ETV6: variants seen among roughly 807,000 people sequenced by gnomAD.
The protein encoded by ETV6 is ETS variant transcription factor 6, also known as transcription factor ETV6.
In ETV6, 16 loss-of-function variants were observed where a neutral mutation model predicts 51.1. The observed-to-expected ratio is 0.31, with a 90% CI of 0.21 to 0.48. The LOEUF is 0.48. Ranked by LOEUF, ETV6 falls within the 20% of genes least tolerant of loss-of-function variation. ETV6 has a pLI of 0.99. For synonymous variants in ETV6, 240 were observed against 224.1 expected, an observed-to-expected ratio of 1.07 and a Z score of -0.64; for missense variants, 458 against 594.8, an observed-to-expected ratio of 0.77 and a Z score of 2.39.
chr12:11,654,732 T>G (rs1863968417), intron 1 of ETV6, among the ~76,000 whole-genome samples: 2 of 152,166 alleles, frequency 1.3e-5, no homozygotes, highest in Admixed American at 1.3e-4. Flanking sequence ...TATATATATA[T>G]TTTTTACAGT....
intron 4 of ETV6, among the ~76,000 whole-genome samples, chr12:11,864,611 A>G (rs1185382772): frequency 6.6e-6 from 1 of 152,190 alleles, no homozygotes; most frequent in African/African-American, 2.4e-5. Flanking sequence ...ATTATCTATA[A>G]AAGGAAAGTT....
chr12:11,788,756 G>GTTTTTTTTT (rs1336998892), intron 2 of ETV6, among the ~76,000 whole-genome samples: 1 of 102,452 alleles, frequency 9.8e-6, no homozygotes, highest in Non-Finnish European at 2.2e-5. Context: ...GCTTGTATTG[G>GTTTTTTTTT]TTTTTTTTTT....
intron 5 of ETV6, 58 bp downstream of exon 5, chr12:11,870,027 C>G (rs1946857887): frequency 1.3e-6 from 2 of 1,534,232 alleles, no homozygotes; most frequent in East Asian, 4.5e-5. Context: ...AAGTCCCACT[C>G]TCCCCTGTGA....
At chr12:11,712,237 C>T (rs1020985170) in intron 1 of ETV6, among the ~76,000 whole-genome samples, 9 of 152,176 alleles carry the variant, frequency 5.9e-5, no homozygotes, top group East Asian at 1.9e-4. Context: ...TTGCTGTAGT[C>T]CCTATTTCAT....
chr12:11,754,584 C>G (rs1053233900), intron 2 of ETV6, among the ~76,000 whole-genome samples: 1 of 152,220 alleles, frequency 6.6e-6, no homozygotes, highest in African/African-American at 2.4e-5. Context: ...ACTCAGTTCT[C>G]CTAGCATACA....
intron 2 of ETV6, among the ~76,000 whole-genome samples, chr12:11,799,491 G>A (rs1026063190): frequency 4.6e-5 from 7 of 152,142 alleles, no homozygotes; most frequent in Non-Finnish European, 7.3e-5. Flanking sequence ...CCCAACTTAA[G>A]TATGAAAGAG....
intron 3 of ETV6, among the ~76,000 whole-genome samples, chr12:11,851,398 G>C (rs1591719750): frequency 6.6e-6 from 1 of 152,076 alleles, no homozygotes; most frequent in South Asian, 2.1e-4. Context: ...AAGAAACAAA[G>C]TGTTGATTAG....
chr12:11,845,663 A>G (rs1946450022), intron 3 of ETV6, among the ~76,000 whole-genome samples: 1 of 152,158 alleles, frequency 6.6e-6, no homozygotes, highest in Non-Finnish European at 1.5e-5. Context: ...GGTTAATTCA[A>G]TTGGCCTGCA....
intron 1 of ETV6, among the ~76,000 whole-genome samples, chr12:11,720,032 C>A (rs935054111): frequency 6.6e-6 from 1 of 152,298 alleles, no homozygotes; most frequent in South Asian, 2.1e-4. Context: ...TGGTCTCCCA[C>A]GAATCAGAAG....
intron 1 of ETV6, among the ~76,000 whole-genome samples, chr12:11,698,092 G>A (rs188276145): frequency 6.6e-6 from 1 of 152,298 alleles, no homozygotes; most frequent in African/African-American, 2.4e-5. Context: ...TTACTATGGA[G>A]AATATGTTTT....
chr12:11,789,944 T>C lies in ETV6; in HGVS notation c.163+37365T>C, dbSNP rs139761075. ...GATGCTCTTTCAATCTGGATATTCA[T>C]TTCCTTTCATTCTGGGAACTGTCCT... On this transcript the variant is annotated intron_variant, in intron 2 of 7. Coordinates refer to ENST00000396373, the MANE Select transcript of ETV6 (RefSeq NM_001987.5). Among the ~76,000 whole-genome samples the C allele has an allele frequency of 1.8e-3, 277 of 152,316 alleles. 2 individuals are homozygous for C. The highest frequency in any genetic ancestry group is 6.4e-3 in the African/African-American group (267 of 41,562).
intron 3 of ETV6, among the ~76,000 whole-genome samples, chr12:11,849,206 G>C (rs1398791310): frequency 2.6e-5 from 4 of 152,066 alleles, no homozygotes. Flanking sequence ...GACCTCCTGG[G>C]CTCAAGCAAT....
At chr12:11,751,827 A>G (rs766536865) in intron 1 of ETV6, 23 of 509,106 alleles carry the variant, frequency 4.5e-5, no homozygotes, top group Non-Finnish European at 7.1e-5. Flanking sequence ...ATTGTTGCAG[A>G]TAATTCCTAG....
chr12:11,792,448 G>A (rs1389704629), intron 2 of ETV6, among the ~76,000 whole-genome samples: 2 of 152,174 alleles, frequency 1.3e-5, no homozygotes, highest in Non-Finnish European at 2.9e-5. Context: ...CAGCACTTTG[G>A]GAGGCCGAGG....
intron 2 of ETV6, among the ~76,000 whole-genome samples, chr12:11,801,258 C>G (rs548831041): frequency 1.3e-5 from 2 of 152,316 alleles, no homozygotes; most frequent in African/African-American, 2.4e-5. Flanking sequence ...AAGAACGAGG[C>G]AAACTTTTTT....
Position 11,893,342 on chromosome 12 carries a change from G to C in ETV6, c.*2296G>C, listed in dbSNP as rs990313754. ...CTCTTCACCCAAGTGCAAGAACTCAGTCTCTTACTGTTCAAAGAATCTTAA... is the reference window on the plus strand; with the variant it reads ...CTCTTCACCCAAGTGCAAGAACTCACTCTCTTACTGTTCAAAGAATCTTAA... On this transcript the variant is annotated 3_prime_UTR_variant, in exon 8 of 8. Coordinates refer to ENST00000396373, the MANE Select transcript of ETV6 (RefSeq NM_001987.5). 2 of 209,522 alleles carry C rather than the reference G, an allele frequency of 9.5e-6. No individual in the cohort carries two copies. The highest frequency in any genetic ancestry group is 1.9e-5 in the Non-Finnish European group (2 of 108,092). 13.0% of individuals were successfully genotyped at this position (209,522 alleles called of 1,614,324 possible).
chr12:11,772,267 A>G (rs1945252161), intron 2 of ETV6, among the ~76,000 whole-genome samples: 1 of 152,188 alleles, frequency 6.6e-6, no homozygotes. Flanking sequence ...TTGCAGAAAG[A>G]CTCAGAGATC....
chr12:11,817,713 G>A (rs1339295195), intron 2 of ETV6, among the ~76,000 whole-genome samples: 2 of 152,182 alleles, frequency 1.3e-5, no homozygotes, highest in East Asian at 3.8e-4. Flanking sequence ...CCCCATGCCA[G>A]CTCAAGAGCA....
rs530462629 is a variant in ETV6 at position 11,662,636 on chromosome 12, G to A, written c.33+12476G>A. Among the ~76,000 whole-genome samples the A allele has an allele frequency of 1.7e-3, 262 of 152,342 alleles. 1 individual carries two copies. The highest frequency in any genetic ancestry group is 6.0e-3 in the African/African-American group (248 of 41,588). The stretch of plus-strand genomic sequence containing the variant: ...CTTCTGCCTCTTGGTTGGCTTATAT[G>A]TAGGTTATAGGTGAATGTGAGTTCA... On this transcript the variant is annotated intron_variant, in intron 1 of 7. Coordinates refer to ENST00000396373, the MANE Select transcript of ETV6 (RefSeq NM_001987.5).
Sources: allele counts gnomAD v4.1 joint callset (sites outside exome capture counted in the v4.1 genomes callset), GRCh38; gene constraint gnomAD v4.1.1; transcripts MANE v1.5; gene names NCBI Gene and HGNC (gene_info 2026-07-23, HGNC 2026-07-21).